Variants in ANK1 observed in about 807,000 individuals in gnomAD.
The protein encoded by ANK1 is ankyrin-1.
In ANK1, 51 loss-of-function variants were observed where a neutral mutation model predicts 210.4. That is an observed-to-expected ratio of 0.24 (90% CI 0.19 to 0.31). ANK1 has a LOEUF of 0.31. Ranked by LOEUF, ANK1 falls within the 10% of genes least tolerant of loss-of-function variation. ANK1 has a pLI of 1.00. For synonymous variants in ANK1, 967 were observed against 1,025.9 expected (o/e 0.94, Z 1.10); for missense variants, 2,051 against 2,504.4 (o/e 0.82, Z 3.86).
At chr8:41,723,778 T>A (rs1037497171) in intron 7 of ANK1, 145 bp from the exon 8 acceptor site, 5 of 547,366 alleles carry the variant, frequency 9.1e-6, no homozygotes, top group Non-Finnish European at 1.6e-5. Flanking sequence ...ATATTTTATT[T>A]TTTTTTATTT....
intron 1 of ANK1, among the ~76,000 whole-genome samples, chr8:41,785,507 C>T (rs183799859): frequency 6.6e-5 from 10 of 152,306 alleles, no homozygotes; most frequent in Admixed American, 5.2e-4. Context: ...TCTCTCTGTG[C>T]CTCAGTGTCC....
chr8:41,814,109 C>A (rs962620881), intron 1 of ANK1, among the ~76,000 whole-genome samples: 5 of 152,208 alleles, frequency 3.3e-5, no homozygotes, highest in African/African-American at 1.2e-4. Context: ...TGCCTGTAAT[C>A]CCAGCACTTT....
intron 39 of ANK1, among the ~76,000 whole-genome samples, chr8:41,666,632 G>C (rs1475187185): frequency 1.3e-5 from 2 of 152,210 alleles, no homozygotes; most frequent in East Asian, 1.9e-4. Context: ...GTTTTCAGAG[G>C]TCCAGTGGAA....
At chr8:41,746,868 TAA>T (rs35245035) in intron 2 of ANK1, among the ~76,000 whole-genome samples, 24 of 138,694 alleles carry the variant, frequency 1.7e-4, no homozygotes, top group African/African-American at 2.9e-4. Context: ...TGGTATTCTT[TAA>T]AAAAAAAAAA....
At chr8:41,777,581 C>CA (rs1273739020) in intron 1 of ANK1, among the ~76,000 whole-genome samples, 6 of 151,950 alleles carry the variant, frequency 3.9e-5, no homozygotes, top group Middle Eastern at 3.4e-3. Flanking sequence ...GACTCCGTCT[C>CA]AAAAAAACAA....
At chr8:41,803,417 C>T (rs1399819748) in intron 1 of ANK1, 1 of 152,220 alleles carries the variant, frequency 6.6e-6, no homozygotes, top group Non-Finnish European at 1.5e-5. Context: ...TTTGTTCCTT[C>T]TCCATTCCCA....
intron 3 of ANK1, among the ~76,000 whole-genome samples, chr8:41,731,711 C>T (rs529289351): frequency 7.9e-5 from 12 of 152,108 alleles, no homozygotes; most frequent in South Asian, 6.2e-4. Flanking sequence ...TCCAAAGCCA[C>T]GTTGGCTTAG....
intron 1 of ANK1, among the ~76,000 whole-genome samples, chr8:41,871,121 C>T (rs1285286105): frequency 6.6e-6 from 1 of 152,194 alleles, no homozygotes. Flanking sequence ...GACCCACACC[C>T]CAGGAGCTTC....
At chr8:41,693,777 C>T (rs754037950) in intron 29 of ANK1, 121 bp downstream of exon 29, 1,016 of 1,147,894 alleles carry the variant, frequency 8.9e-4, no homozygotes, top group Admixed American at 1.4e-3. Flanking sequence ...GCACCTCACT[C>T]CCGGGGAAGT....
At chr8:41,667,527 T>C (rs1585877098) in intron 39 of ANK1, among the ~76,000 whole-genome samples, 1 of 151,602 alleles carries the variant, frequency 6.6e-6, no homozygotes, top group Non-Finnish European at 1.5e-5. Context: ...AAGTGGGGGG[T>C]GCAGATGAAA....
chr8:41,835,190 T>A (rs903585038), intron 1 of ANK1, among the ~76,000 whole-genome samples: 1 of 152,238 alleles, frequency 6.6e-6, no homozygotes. Context: ...AGGTGGCTCA[T>A]GCCTGTAATC....
intron 38 of ANK1, among the ~76,000 whole-genome samples, chr8:41,669,842 AGCTTACCCT>A (rs1811724498): frequency 6.6e-6 from 1 of 152,170 alleles, no homozygotes; most frequent in South Asian, 2.1e-4. Flanking sequence ...AGGCAGGTGC[AGCTTACCCT>A]GCTCACCATT....
chr8:41,785,498 C>G (rs1365163364), intron 1 of ANK1, among the ~76,000 whole-genome samples: 5 of 152,224 alleles, frequency 3.3e-5, no homozygotes, highest in Non-Finnish European at 7.3e-5. Context: ...GTAAATCAAT[C>G]TCTCTGTGCC....
At chr8:41,685,706 G>A (rs990981498) in intron 36 of ANK1, among the ~76,000 whole-genome samples, 7 of 152,144 alleles carry the variant, frequency 4.6e-5, no homozygotes, top group African/African-American at 1.7e-4. Context: ...TGCAACTGTA[G>A]CTCACTCAGC....
chr8:41,843,470 G>T (rs779827752), intron 1 of ANK1, among the ~76,000 whole-genome samples: 4 of 147,604 alleles, frequency 2.7e-5, no homozygotes, highest in African/African-American at 9.9e-5. Context: ...GTGTTTAAAG[G>T]GGGGGCCCTG....
chr8:41,676,405 G>C (rs1022972158), intron 37 of ANK1, among the ~76,000 whole-genome samples: 1 of 152,108 alleles, frequency 6.6e-6, no homozygotes, highest in Non-Finnish European at 1.5e-5. Context: ...AAGTCTGTTC[G>C]AATCTATTGC....
At chr8:41,824,232 T>C (rs1429245355) in intron 1 of ANK1, among the ~76,000 whole-genome samples, 1 of 152,188 alleles carries the variant, frequency 6.6e-6, no homozygotes, top group Non-Finnish European at 1.5e-5. Context: ...CCCAAAGTGC[T>C]GGGATTACAA....
At chr8:41,838,853 G>A (rs2150803298) in intron 1 of ANK1, among the ~76,000 whole-genome samples, 1 of 151,706 alleles carries the variant, frequency 6.6e-6, no homozygotes, top group South Asian at 2.1e-4. Flanking sequence ...AAGGTGGGAG[G>A]ATCACCTGAG....
At chr8:41,857,772 C>T (rs980618304) in intron 1 of ANK1, among the ~76,000 whole-genome samples, 6 of 151,184 alleles carry the variant, frequency 4.0e-5, no homozygotes, top group South Asian at 2.1e-4. Flanking sequence ...GGTATGGTGG[C>T]GCATGCCTGT....
Sources: allele counts gnomAD v4.1 joint callset (sites outside exome capture counted in the v4.1 genomes callset), GRCh38; gene constraint gnomAD v4.1.1; transcripts MANE v1.5; gene names NCBI Gene and HGNC (gene_info 2026-07-23, HGNC 2026-07-21).